Variants in PNKD observed in about 807,000 individuals in gnomAD.
PNKD encodes probable thioesterase PNKD.
PNKD carries 36 observed loss-of-function variants against 45.3 expected under a neutral mutation model. The observed-to-expected ratio is 0.80, with a 90% CI of 0.61 to 1.05. The LOEUF (loss-of-function observed/expected upper bound fraction) is 1.05, where lower values mean the gene tolerates loss of function less well. Among genes scored for constraint, PNKD ranks in the 50% least tolerant of loss-of-function variants. PNKD has a pLI of 0.00. For synonymous variants in PNKD, 197 were observed against 210.1 expected (o/e 0.94, Z 0.54); for missense variants, 511 against 506.6 (o/e 1.01, Z -0.08).
intron 2 of PNKD, among the ~76,000 whole-genome samples, chr2:218,302,226 T>G (rs1693290726): frequency 6.6e-6 from 1 of 152,176 alleles, no homozygotes; most frequent in Non-Finnish European, 1.5e-5. Flanking sequence ...TGCGCACATG[T>G]AGTCCCAGCT....
Position 218,340,143 on chromosome 2 carries a change from T to C in PNKD, c.465+2T>C, listed in dbSNP as rs1230004320. The C allele has an allele frequency of 1.3e-6, 2 of 1,597,304 alleles. No homozygotes were observed. Among genetic ancestry groups the C allele is most frequent in the Non-Finnish European group, 1.7e-6 (2 of 1,165,686 alleles). ...CCTTCAGACCCTCGGGCTGTGCAGG[T>C]GAGGGGAGGGCAGGGAGCAGGGGGT... On this transcript the variant is annotated splice_donor_variant, in intron 4 of 9. Transcript: ENST00000273077. LOFTEE classifies it high-confidence loss of function. The surrounding 1 kb of genome is among the most constrained non-coding windows in gnomAD (Gnocchi z 4.2).
chr2:218,305,216 C>CA (rs1490167761), intron 2 of PNKD, among the ~76,000 whole-genome samples: 1 of 152,170 alleles, frequency 6.6e-6, no homozygotes, highest in African/African-American at 2.4e-5. Context: ...CCTTCCCACA[C>CA]AACAGAACAA....
chr2:218,328,167 C>T (rs1200432674), intron 2 of PNKD, among the ~76,000 whole-genome samples: 14 of 152,276 alleles, frequency 9.2e-5, no homozygotes, highest in Non-Finnish European at 2.9e-5. Context: ...AGCTGGTGGC[C>T]TCTCCACGGT....
chr2:218,343,493 C>G lies in PNKD; in HGVS notation c.782-7C>G, dbSNP rs773884627. 1.2e-6 allele frequency: 2 copies of G among 1,611,506 alleles called. No homozygotes were observed. Among genetic ancestry groups the G allele is most frequent in the South Asian group, 2.2e-5 (2 of 90,654 alleles). ...ACCTTGTGACATACCCTCCAACCCC[C>G]ACCCAGGGCGGACCTTTGAGGGCAA... On this transcript the variant is annotated splice_polypyrimidine_tract_variant and splice_region_variant and intron_variant, in intron 7 of 9. Coordinates refer to ENST00000273077, the MANE Select transcript of PNKD (RefSeq NM_015488.5).
chr2:218,315,027 T>TC, intron 2 of PNKD, among the ~76,000 whole-genome samples: 1 of 1,078 alleles, frequency 9.3e-4, no homozygotes. Flanking sequence ...TTTCTTTCTT[T>TC]CTTTCTTTCT....
In PNKD at chr2:218,323,316, T is replaced by C; in HGVS notation, c.237-16467T>C. 1.9e-6 allele frequency: 3 copies of C among 1,565,044 alleles called. No individual in the cohort carries two copies. In the East Asian group the frequency reaches 7.5e-5, roughly 39 times the overall value. On this transcript the variant is annotated intron_variant, in intron 2 of 9. Coordinates refer to ENST00000273077, the MANE Select transcript of PNKD (RefSeq NM_015488.5). ...GGCGTGGCAGTGGGTCGCCGGCTGC[T>C]GGCTCCTCCTCGTCCTTGTCCTCGT...
chr2:218,303,098 C>A (rs1187419864), intron 2 of PNKD, among the ~76,000 whole-genome samples: 1 of 152,106 alleles, frequency 6.6e-6, no homozygotes, highest in Non-Finnish European at 1.5e-5. Context: ...CACCACCATG[C>A]CCAGCTAATT....
intron 8 of PNKD, 80 bp from the exon 9 acceptor site, chr2:218,344,375 G>A: frequency 9.5e-7 from 1 of 1,053,730 alleles, no homozygotes; most frequent in Non-Finnish European, 1.4e-6. Flanking sequence ...CATCAGCCTG[G>A]ACCTGGGGCA....
Position 218,344,483 on chromosome 2 carries a change from C to A in PNKD, c.897C>A (p.Gly299=). 1 of 1,587,414 alleles carries A rather than the reference C, an allele frequency of 6.3e-7. No individual in the cohort carries two copies. The highest frequency in any genetic ancestry group is 8.6e-7 in the Non-Finnish European group (1 of 1,166,548). The change falls in exon 9 of 10, where the codon GGC becomes GGA. Residue 299 remains glycine, a synonymous_variant. Coordinates refer to ENST00000273077, the MANE Select transcript of PNKD (RefSeq NM_015488.5). ...PGHEYAEENL[G]FAGVVEPENL... Reference sequence around the variant, plus strand: ...ATGAGTATGCAGAGGAGAACCTGGGCTTTGCAGGTGTGGTGGAGCCCGAGA... The same window carrying A: ...ATGAGTATGCAGAGGAGAACCTGGGATTTGCAGGTGTGGTGGAGCCCGAGA...
chr2:218,341,555 T>A lies in PNKD; in HGVS notation c.546T>A (p.Arg182=). The A allele has an allele frequency of 6.2e-7, 1 of 1,601,908 alleles. No individual in the cohort carries two copies. The highest frequency in any genetic ancestry group is 8.5e-7 in the Non-Finnish European group (1 of 1,174,564). The part of the protein sequence containing the change: ...HKHWDHSGGN[R]DLSRRHRDCR... ...GCAGGGACCACAGTGGAGGGAACCG[T>A]GACCTCAGCCGGCGGCACCGGGACT... The change falls in exon 6 of 10, where the codon CGT becomes CGA. Residue 182 remains arginine (R), a synonymous_variant. Coordinates refer to ENST00000273077, the MANE Select transcript of PNKD (RefSeq NM_015488.5).
intron 2 of PNKD, chr2:218,272,492 G>C: frequency 7.4e-7 from 1 of 1,347,332 alleles, no homozygotes; most frequent in Non-Finnish European, 1.1e-6. Context: ...AACTGATGAA[G>C]CTAGAATGAC....
chr2:218,342,198 A>G lies in PNKD; in HGVS notation c.781+54A>G. 5.4e-6 allele frequency: 8 copies of G among 1,488,080 alleles called. No individual in the cohort carries two copies. The South Asian group carries it at 5.7e-5, about 11-fold the overall frequency. 92.2% of individuals were successfully genotyped at this position (1,488,080 alleles called of 1,614,324 possible). A position where few individuals can be genotyped will look rare whatever the true frequency, so the allele number is the denominator to read the frequency against. The stretch of plus-strand genomic sequence containing the variant: ...GGGAGAGGAGGGAGAGACAGAAGCC[A>G]GGGCAGCCACAGTCCCATGGAGAGC... On this transcript the variant is annotated intron_variant, in intron 7 of 9. Transcript: ENST00000273077.
chr2:218,323,269 T>G, intron 2 of PNKD: 1 of 1,520,408 alleles, frequency 6.6e-7, no homozygotes, highest in Non-Finnish European at 8.8e-7. Context: ...GCCCCCAGCA[T>G]GGCTTGGCAG....
At chr2:218,297,342 C>CT (rs1693162942) in intron 2 of PNKD, among the ~76,000 whole-genome samples, 1 of 152,198 alleles carries the variant, frequency 6.6e-6, no homozygotes, top group South Asian at 2.1e-4. Context: ...TTTGTTCCAG[C>CT]TTTGGCACTA....
In PNKD at chr2:218,344,512, T is replaced by C; in HGVS notation, c.926T>C (p.Leu309Pro). ...GCAGGTGTGGTGGAGCCCGAGAACCTGGCCCGGGAGAGGAAGATGCAGTGG... is the reference window on the plus strand; with the variant it reads ...GCAGGTGTGGTGGAGCCCGAGAACCCGGCCCGGGAGAGGAAGATGCAGTGG... ...GFAGVVEPEN[L>P]ARERKMQWVQ... Residue 309 changes from leucine to proline, a missense_variant, in exon 9 of 10, where the codon CTG becomes CCG. Physicochemically the swap from Leu to Pro is moderately conservative, Grantham distance 98. Coordinates refer to ENST00000273077, the MANE Select transcript of PNKD (RefSeq NM_015488.5). The C allele has an allele frequency of 2.5e-6, 4 of 1,593,330 alleles. No homozygotes were observed. The highest frequency in any genetic ancestry group is 3.4e-6 in the Non-Finnish European group (4 of 1,169,860).
intron 2 of PNKD, chr2:218,281,800 CAGAG>C (rs990317682): frequency 7.7e-6 from 6 of 777,412 alleles, no homozygotes; most frequent in Admixed American, 5.6e-5. Context: ...AAGACAGAAA[CAGAG>C]GGAGAGATCT....
intron 2 of PNKD, among the ~76,000 whole-genome samples, chr2:218,293,036 A>C (rs1456849890): frequency 1.3e-5 from 2 of 152,242 alleles, no homozygotes; most frequent in Non-Finnish European, 2.9e-5. Flanking sequence ...CATTACAAAT[A>C]AATCAGTAAT....
At chr2:218,273,483 T>C (rs10932767) in intron 2 of PNKD, among the ~76,000 whole-genome samples, 1 of 98,036 alleles carries the variant, frequency 1.0e-5, no homozygotes, top group Admixed American at 1.1e-4. Context: ...TTACTTATTT[T>C]TTTTTTTTTT....
intron 2 of PNKD, among the ~76,000 whole-genome samples, chr2:218,322,634 C>G (rs1694018294): frequency 6.6e-6 from 1 of 152,194 alleles, no homozygotes. Flanking sequence ...ATCATTGCCC[C>G]CTCCTTGACT....
Sources: allele counts gnomAD v4.1 joint callset (sites outside exome capture counted in the v4.1 genomes callset), GRCh38; gene constraint gnomAD v4.1.1; non-coding constraint Gnocchi (gnomAD v3.1); transcripts MANE v1.5; gene names NCBI Gene and HGNC (gene_info 2026-07-23, HGNC 2026-07-21).